PPP1R36: variants seen among roughly 807,000 people sequenced by gnomAD.
PPP1R36 encodes the protein protein phosphatase 1 regulatory subunit 36.
A neutral mutation model predicts 53.4 loss-of-function variants in PPP1R36; 47 were observed. The observed-to-expected ratio is 0.88, with a 90% CI of 0.70 to 1.12. The LOEUF (loss-of-function observed/expected upper bound fraction) is 1.12, where lower values mean the gene tolerates loss of function less well. Among genes scored for constraint, PPP1R36 ranks in the 50% most tolerant of loss-of-function variants. The probability of loss-of-function intolerance (pLI) is 0.00; values close to 1 mark genes in which losing one functional copy is unlikely to be tolerated. For synonymous variants in PPP1R36, 153 were observed against 170.5 expected (o/e 0.90, Z 0.80); for missense variants, 456 against 513.9 (o/e 0.89, Z 1.09).
At chr14:64,550,596 G>C (rs2080086448) in intron 1 of PPP1R36, among the ~76,000 whole-genome samples, 1 of 151,984 alleles carries the variant, frequency 6.6e-6, no homozygotes, top group African/African-American at 2.4e-5. Context: ...CCTATCTTTC[G>C]CCCTTCCCTT....
At chr14:64,552,584 G>A (rs1053458647) in intron 2 of PPP1R36, 2 of 457,326 alleles carry the variant, frequency 4.4e-6, no homozygotes, top group Non-Finnish European at 8.1e-6. Flanking sequence ...GGACAAATGG[G>A]GGCTGGAGGT....
At chr14:64,551,757 T>A in intron 2 of PPP1R36, 1 of 443,330 alleles carries the variant, frequency 2.3e-6, no homozygotes, top group Non-Finnish European at 4.6e-6. Context: ...GTACTCGCTG[T>A]CTCCCTCAAC....
chr14:64,579,831 G>A (rs1021189003), intron 8 of PPP1R36, among the ~76,000 whole-genome samples: 9 of 152,100 alleles, frequency 5.9e-5, no homozygotes, highest in African/African-American at 1.9e-4. Flanking sequence ...TTAGCCGGGC[G>A]TGGTGGCGGG....
intron 7 of PPP1R36, among the ~76,000 whole-genome samples, chr14:64,573,946 C>CAAAAAAAAAAAAAAAA (rs2080322994): frequency 3.4e-5 from 2 of 58,586 alleles, no homozygotes; most frequent in Admixed American, 1.8e-4. Flanking sequence ...AAAAAAAAAG[C>CAAAAAAAAAAAAAAAA]AAAAATACAC....
At chr14:64,557,035 G>T (rs556695187) in intron 3 of PPP1R36, among the ~76,000 whole-genome samples, 16 of 150,210 alleles carry the variant, frequency 1.1e-4, no homozygotes, top group South Asian at 2.1e-4. Flanking sequence ...GTTTTGCCAT[G>T]TGCCCAGGCT....
intron 8 of PPP1R36, among the ~76,000 whole-genome samples, chr14:64,582,251 A>G (rs1396904135): frequency 6.6e-6 from 1 of 152,168 alleles, no homozygotes; most frequent in Non-Finnish European, 1.5e-5. Flanking sequence ...GATTTCACCT[A>G]GAGCAGCAGG....
At chr14:64,563,894 C>A (rs916341354) in intron 3 of PPP1R36, among the ~76,000 whole-genome samples, 1 of 152,190 alleles carries the variant, frequency 6.6e-6, no homozygotes, top group African/African-American at 2.4e-5. Context: ...AAGGCAGGAA[C>A]CTCGTCCTGT....
intron 3 of PPP1R36, among the ~76,000 whole-genome samples, chr14:64,558,674 G>T (rs1179917924): frequency 6.8e-6 from 1 of 147,508 alleles, no homozygotes; most frequent in African/African-American, 2.5e-5. Context: ...TCGCTCTGTT[G>T]CCCCAGGCTA....
chr14:64,575,912 A>G (rs1250728341), intron 8 of PPP1R36, among the ~76,000 whole-genome samples: 1 of 151,960 alleles, frequency 6.6e-6, no homozygotes. Context: ...GGCCTCCCAA[A>G]GTGCTGGGAT....
chr14:64,551,698 G>A (rs561770712), intron 2 of PPP1R36: 1 of 455,822 alleles, frequency 2.2e-6, no homozygotes, highest in East Asian at 6.9e-5. Context: ...GTAAGTAGCA[G>A]AACTGATAGT....
chr14:64,566,836 C>A (rs780772203), intron 6 of PPP1R36, among the ~76,000 whole-genome samples: 13 of 152,242 alleles, frequency 8.5e-5, no homozygotes, highest in Non-Finnish European at 1.6e-4. Context: ...GGAATCAGTG[C>A]CCTAGAAGCA....
intron 7 of PPP1R36, among the ~76,000 whole-genome samples, chr14:64,571,961 C>T (rs925594302): frequency 2.3e-4 from 35 of 152,316 alleles, no homozygotes; most frequent in African/African-American, 8.2e-4. Flanking sequence ...ATTCAGTTAC[C>T]TCCCATTGGG....
intron 6 of PPP1R36, among the ~76,000 whole-genome samples, chr14:64,566,821 G>T (rs1469535993): frequency 6.6e-6 from 1 of 152,246 alleles, no homozygotes; most frequent in Non-Finnish European, 1.5e-5. Context: ...CAAGTTCAGA[G>T]CTAGGGAATC....
chr14:64,556,762 A>ATGTTTGTGTGTG lies in PPP1R36; in HGVS notation c.182+3904_182+3905insTTGTGTGTGTGT, dbSNP rs1555351247. 6.6e-3 allele frequency among the ~76,000 whole-genome samples: 879 copies of ATGTTTGTGTGTG among 134,052 alleles called. 16 individuals are homozygous for ATGTTTGTGTGTG. Among genetic ancestry groups the ATGTTTGTGTGTG allele is most frequent in the African/African-American group, 0.017 (611 of 35,932 alleles). 87.9% of individuals were successfully genotyped at this position (134,052 alleles called of 152,430 possible). ...TAGAGTGAGACCCAATCTCCAAAAA[A>ATGTTTGTGTGTG]TGTGTGTGTGTGTGTGTGTGTGTGT... is the stretch of plus-strand genomic sequence containing the variant. On this transcript the variant is annotated intron_variant, in intron 3 of 11. Coordinates refer to ENST00000298705, the MANE Select transcript of PPP1R36 (RefSeq NM_172365.3).
At chr14:64,563,468 G>A (rs35480008) in intron 3 of PPP1R36, among the ~76,000 whole-genome samples, 2 of 140,558 alleles carry the variant, frequency 1.4e-5, no homozygotes, top group Admixed American at 7.1e-5. Flanking sequence ...AAAAAAAAAA[G>A]AAAGAAAAGA....
chr14:64,569,167 C>T (rs2080283653), intron 7 of PPP1R36, among the ~76,000 whole-genome samples: 1 of 152,146 alleles, frequency 6.6e-6, no homozygotes, highest in Non-Finnish European at 1.5e-5. Flanking sequence ...CAGAGGTGTA[C>T]ACCAGGGCAA....
intron 3 of PPP1R36, among the ~76,000 whole-genome samples, chr14:64,557,103 A>C (rs1452727970): frequency 6.6e-6 from 1 of 152,084 alleles, no homozygotes; most frequent in Non-Finnish European, 1.5e-5. Context: ...AAGTACTAGG[A>C]TTACAGGTGT....
In PPP1R36 at chr14:64,560,434, A is replaced by G. The variant is rs1445362204; in HGVS notation, c.183-4317A>G. On this transcript the variant is annotated intron_variant, in intron 3 of 11. Transcript: ENST00000298705. ...CCAGCCTAAGCAACAGTGAGACCCT[A>G]TCTCAAGAAAAAAAAAAAAAAAAGA... is the stretch of plus-strand genomic sequence containing the variant. Among the ~76,000 whole-genome samples, 3 of 129,644 alleles carry G rather than the reference A, an allele frequency of 2.3e-5. No homozygotes were observed. In the East Asian group the frequency reaches 7.5e-4, roughly 33 times the overall value. 85.1% of individuals were successfully genotyped at this position (129,644 alleles called of 152,430 possible). A position where few individuals can be genotyped will look rare whatever the true frequency, so the allele number is the denominator to read the frequency against.
chr14:64,582,159 C>G (rs1233309154), intron 8 of PPP1R36, among the ~76,000 whole-genome samples: 2 of 152,068 alleles, frequency 1.3e-5, no homozygotes, highest in Non-Finnish European at 2.9e-5. Flanking sequence ...CAGTCACATG[C>G]ACCAAAGCCT....
Sources: gnomAD v4.1 joint callset for allele counts (sites outside exome capture counted in the v4.1 genomes callset) on GRCh38, gnomAD v4.1.1 for gene constraint, MANE v1.5 for transcripts, NCBI Gene and HGNC (gene_info 2026-07-23, HGNC 2026-07-21) for gene names.